Variants in AGBL1 observed in about 807,000 individuals in gnomAD.
AGBL1 encodes the protein cytosolic carboxypeptidase 4.
A neutral mutation model predicts 118.9 loss-of-function variants in AGBL1; 130 were observed. The ratio of observed to expected loss-of-function variants is 1.09; its 90% CI spans 0.95 to 1.26. The LOEUF (loss-of-function observed/expected upper bound fraction) is 1.26, where lower values mean the gene tolerates loss of function less well. AGBL1 is among the 50% of genes most tolerant of loss of function. The pLI is 0.00. For missense variants in AGBL1, 1,584 were observed against 1,298.1 expected, an observed-to-expected ratio of 1.22 and a Z score of -3.38; for synonymous variants, 555 against 478.9, an observed-to-expected ratio of 1.16 and a Z score of -2.08.
intron 24 of AGBL1, among the ~76,000 whole-genome samples, chr15:86,990,301 G>A (rs577501449): frequency 6.6e-6 from 1 of 152,248 alleles, no homozygotes; most frequent in South Asian, 2.1e-4. Flanking sequence ...GATCACCTGA[G>A]GTCAGTAGTT....
At chr15:86,485,020 A>G (rs541291836) in intron 18 of AGBL1, among the ~76,000 whole-genome samples, 9 of 152,126 alleles carry the variant, frequency 5.9e-5, no homozygotes, top group Non-Finnish European at 1.3e-4. Flanking sequence ...AACCTTAGTC[A>G]TCTTTGAGAA....
chr15:86,714,437 G>A (rs955295793), intron 22 of AGBL1, among the ~76,000 whole-genome samples: 6 of 152,144 alleles, frequency 3.9e-5, no homozygotes, highest in African/African-American at 1.4e-4. Context: ...AGGAATTGAA[G>A]CAGTTTAAAC....
intron 21 of AGBL1, among the ~76,000 whole-genome samples, chr15:86,619,500 G>C (rs1480408696): frequency 6.6e-6 from 1 of 152,138 alleles, no homozygotes; most frequent in Non-Finnish European, 1.5e-5. Flanking sequence ...TCACATTTTT[G>C]GGTGACCTTT....
intron 18 of AGBL1, among the ~76,000 whole-genome samples, chr15:86,466,970 C>T (rs1027418141): frequency 1.3e-5 from 2 of 152,236 alleles, no homozygotes; most frequent in African/African-American, 4.8e-5. Flanking sequence ...CTTGAGGAGG[C>T]AGTCTGTCCC....
intron 1 of AGBL1, among the ~76,000 whole-genome samples, chr15:86,110,291 C>G (rs1428336720): frequency 2.0e-5 from 3 of 152,122 alleles, no homozygotes; most frequent in Non-Finnish European, 1.5e-5. Flanking sequence ...TTCTAGTAGC[C>G]TATTGTTGAC....
intron 22 of AGBL1, among the ~76,000 whole-genome samples, chr15:86,682,041 T>C (rs1021324637): frequency 6.6e-6 from 1 of 152,234 alleles, no homozygotes; most frequent in Admixed American, 6.5e-5. Context: ...GTGACTATTC[T>C]GGTAATAGCT....
intron 21 of AGBL1, among the ~76,000 whole-genome samples, chr15:86,627,004 ATTTTTTTT>A (rs529625807): frequency 3.5e-4 from 49 of 140,274 alleles, no homozygotes; most frequent in Non-Finnish European, 6.6e-4. Flanking sequence ...CGACCAGCTA[ATTTTTTTT>A]TTTTTTAGAT....
chr15:86,564,274 G>T (rs1339145048), intron 21 of AGBL1, among the ~76,000 whole-genome samples: 3 of 152,172 alleles, frequency 2.0e-5, no homozygotes, highest in African/African-American at 4.8e-5. Context: ...GGTACTGGTT[G>T]TTCCTTTCCA....
chr15:86,619,914 C>G (rs1198753961), intron 21 of AGBL1, among the ~76,000 whole-genome samples: 4 of 152,200 alleles, frequency 2.6e-5, no homozygotes, highest in African/African-American at 7.2e-5. Context: ...CTACAAGAGT[C>G]TACTCCTGGA....
rs1159801952 is a variant in AGBL1 at position 86,850,810 on chromosome 15, C to T, written c.3159-56277C>T. On this transcript the variant is annotated intron_variant, in intron 22 of 22. Coordinates refer to ENST00000614907, the MANE Select transcript of AGBL1 (RefSeq NM_001386094.1). ...CTATGCTGCATATCATGTAATCATTCCAAAAGCTAAAAAACAAAACAAAAC... is the reference window on the plus strand; with the variant it reads ...CTATGCTGCATATCATGTAATCATTTCAAAAGCTAAAAAACAAAACAAAAC... Among the ~76,000 whole-genome samples the T allele has an allele frequency of 2.9e-5, 4 of 139,464 alleles. No individual in the cohort carries two copies. In the East Asian group the frequency reaches 8.5e-4, roughly 30 times the overall value. 91.5% of individuals were successfully genotyped at this position (139,464 alleles called of 152,430 possible).
At chr15:86,754,233 T>G (rs1445780874) in intron 22 of AGBL1, among the ~76,000 whole-genome samples, 1 of 152,154 alleles carries the variant, frequency 6.6e-6, no homozygotes, top group Non-Finnish European at 1.5e-5. Flanking sequence ...ACTCCAAGTT[T>G]GTGGAAGCAT....
At chr15:86,179,457 C>T (rs1300635435) in intron 5 of AGBL1, among the ~76,000 whole-genome samples, 1 of 151,978 alleles carries the variant, frequency 6.6e-6, no homozygotes, top group African/African-American at 2.4e-5. Context: ...TAAGAAAACC[C>T]GACAATATAT....
intron 18 of AGBL1, among the ~76,000 whole-genome samples, chr15:86,493,960 T>C (rs768086229): frequency 6.6e-6 from 1 of 151,998 alleles, no homozygotes; most frequent in Non-Finnish European, 1.5e-5. Flanking sequence ...TCTTTTCTCA[T>C]CCTCTTTACT....
chr15:86,903,264 G>C (rs889374929), intron 22 of AGBL1, among the ~76,000 whole-genome samples: 1 of 151,138 alleles, frequency 6.6e-6, no homozygotes, highest in Admixed American at 6.6e-5. Flanking sequence ...TTTCTTTATA[G>C]CTTCCATTTC....
chr15:86,625,371 T>G (rs1238529982), intron 21 of AGBL1, among the ~76,000 whole-genome samples: 1 of 50,660 alleles, frequency 2.0e-5, no homozygotes, highest in Non-Finnish European at 4.3e-5. Context: ...TAGCGTTTTT[T>G]TTTTTTTGTT....
At chr15:86,141,532 C>A (rs1199651768) in intron 1 of AGBL1, among the ~76,000 whole-genome samples, 3 of 152,140 alleles carry the variant, frequency 2.0e-5, no homozygotes, top group Non-Finnish European at 4.4e-5. Context: ...ATGCCTGTAG[C>A]CCCAGTTACT....
At chr15:86,525,829 A>G (rs985497602) in intron 19 of AGBL1, among the ~76,000 whole-genome samples, 2 of 152,126 alleles carry the variant, frequency 1.3e-5, no homozygotes, top group African/African-American at 4.8e-5. Context: ...TGAAGACTCC[A>G]ATTTATGGTG....
intron 22 of AGBL1, among the ~76,000 whole-genome samples, chr15:86,721,031 C>T: frequency 6.6e-6 from 1 of 152,046 alleles, no homozygotes; most frequent in East Asian, 1.9e-4. Flanking sequence ...AAAAAAAGTC[C>T]AGGACCAGAT....
At chr15:86,852,571 G>A (rs2079423188) in intron 22 of AGBL1, among the ~76,000 whole-genome samples, 1 of 152,158 alleles carries the variant, frequency 6.6e-6, no homozygotes, top group African/African-American at 2.4e-5. Context: ...ATCTCCCAAT[G>A]CCTCTTTTTG....
Sources: allele counts gnomAD v4.1 joint callset (sites outside exome capture counted in the v4.1 genomes callset), GRCh38; gene constraint gnomAD v4.1.1; transcripts MANE v1.5; gene names NCBI Gene and HGNC (gene_info 2026-07-23, HGNC 2026-07-21).